Variants in FAM178B observed in about 807,000 individuals in gnomAD.
The protein encoded by FAM178B is protein FAM178B.
In FAM178B, 82 loss-of-function variants were observed where a neutral mutation model predicts 91.7. The observed-to-expected ratio is 0.89, with a 90% CI of 0.75 to 1.07. FAM178B has a LOEUF of 1.07. FAM178B is among the 50% of genes least tolerant of loss of function. The pLI is 0.00. For missense variants in FAM178B, 769 were observed against 846.7 expected, an observed-to-expected ratio of 0.91 and a Z score of 1.14; for synonymous variants, 368 against 359.4, an observed-to-expected ratio of 1.02 and a Z score of -0.27.
chr2:96,954,998 T>G (rs1574298132), intron 6 of FAM178B, among the ~76,000 whole-genome samples: 1 of 152,144 alleles, frequency 6.6e-6, no homozygotes, highest in East Asian at 1.9e-4. Context: ...TGCAGTGAGC[T>G]GTGATCGTAC....
At chr2:96,929,557 G>C (rs1204641834) in intron 8 of FAM178B, among the ~76,000 whole-genome samples, 1 of 152,242 alleles carries the variant, frequency 6.6e-6, no homozygotes, top group African/African-American at 2.4e-5. Context: ...AGGTATGGCT[G>C]CACTTGGGTC....
At chr2:96,960,533 A>G in intron 5 of FAM178B, 93 bp from the exon 6 acceptor site, 1 of 1,372,476 alleles carries the variant, frequency 7.3e-7, no homozygotes, top group Non-Finnish European at 9.8e-7. Context: ...GAGGGGGGCC[A>G]CGGGCTCCCT....
intron 14 of FAM178B, among the ~76,000 whole-genome samples, chr2:96,883,533 C>T (rs958763061): frequency 2.7e-4 from 41 of 152,240 alleles, no homozygotes; most frequent in Admixed American, 3.3e-4. Flanking sequence ...GGCTGCCAGA[C>T]CGGGTGGGGA....
At chr2:96,938,664 T>G (rs1485135297) in intron 8 of FAM178B, among the ~76,000 whole-genome samples, 1 of 152,204 alleles carries the variant, frequency 6.6e-6, no homozygotes, top group Non-Finnish European at 1.5e-5. Flanking sequence ...CTCACACAGC[T>G]GCCAGGAACC....
At chr2:96,924,519 G>A (rs2081401974) in intron 9 of FAM178B, among the ~76,000 whole-genome samples, 1 of 152,296 alleles carries the variant, frequency 6.6e-6, no homozygotes, top group Non-Finnish European at 1.5e-5. Flanking sequence ...CAAGCCACAC[G>A]CAGGGTGGTG....
chr2:96,947,352 A>G (rs914759707), intron 8 of FAM178B, among the ~76,000 whole-genome samples: 1 of 152,144 alleles, frequency 6.6e-6, no homozygotes, highest in Non-Finnish European at 1.5e-5. Context: ...TGGATGTCCT[A>G]TCAGCCAAAG....
At chr2:96,936,202 T>A (rs1337738394) in intron 8 of FAM178B, among the ~76,000 whole-genome samples, 3 of 151,950 alleles carry the variant, frequency 2.0e-5, no homozygotes, top group Non-Finnish European at 4.4e-5. Flanking sequence ...TTTATTTATT[T>A]ATTATTTATT....
chr2:96,957,207 T>C (rs1321746084), intron 6 of FAM178B, among the ~76,000 whole-genome samples: 2 of 152,158 alleles, frequency 1.3e-5, no homozygotes, highest in African/African-American at 4.8e-5. Context: ...TGTTTCTGGC[T>C]GAATATGGTA....
At chr2:96,880,829 T>C (rs987192607) in intron 14 of FAM178B, among the ~76,000 whole-genome samples, 2 of 152,080 alleles carry the variant, frequency 1.3e-5, no homozygotes, top group African/African-American at 2.4e-5. Context: ...CTCCTGACCT[T>C]GTGATCCGCC....
chr2:96,922,710 CTTTTTA>C (rs1396718434), intron 10 of FAM178B, among the ~76,000 whole-genome samples: 1 of 151,644 alleles, frequency 6.6e-6, no homozygotes, highest in Non-Finnish European at 1.5e-5. Flanking sequence ...GCTTCCAATT[CTTTTTA>C]TTTTTGAGAT....
chr2:96,984,317 CA>C (rs1295406101), intron 1 of FAM178B, among the ~76,000 whole-genome samples: 1 of 152,178 alleles, frequency 6.6e-6, no homozygotes, highest in Non-Finnish European at 1.5e-5. Context: ...CCAACCTGTT[CA>C]ATACAGTTCC....
chr2:96,926,912 G>C (rs1184712283), intron 9 of FAM178B, among the ~76,000 whole-genome samples: 1 of 152,214 alleles, frequency 6.6e-6, no homozygotes, highest in Non-Finnish European at 1.5e-5. Context: ...GAGGCACTGT[G>C]GGTAGCCCAG....
intron 12 of FAM178B, 150 bp downstream of exon 12, chr2:96,921,015 T>C: frequency 1.6e-6 from 1 of 637,076 alleles, no homozygotes; most frequent in Non-Finnish European, 2.8e-6. Context: ...AAAGAACTCA[T>C]TAGTGAGTTA....
intron 3 of FAM178B, among the ~76,000 whole-genome samples, chr2:96,971,590 G>A (rs768803280): frequency 1.3e-5 from 2 of 152,094 alleles, no homozygotes; most frequent in Admixed American, 6.6e-5. Context: ...TCCTTGCTCC[G>A]GGGCCATAAC....
chr2:96,970,140 G>A (rs1323709615), intron 4 of FAM178B, among the ~76,000 whole-genome samples: 1 of 152,132 alleles, frequency 6.6e-6, no homozygotes, highest in East Asian at 1.9e-4. Context: ...CACCTCCCTA[G>A]GGATTTCCAA....
chr2:96,948,134 CA>C (rs2081861417), intron 7 of FAM178B, among the ~76,000 whole-genome samples: 1 of 152,252 alleles, frequency 6.6e-6, no homozygotes, highest in East Asian at 1.9e-4. Context: ...AGCCAGCACT[CA>C]GGCCCAGACA....
intron 8 of FAM178B, among the ~76,000 whole-genome samples, chr2:96,932,883 T>C (rs1187256187): frequency 1.5e-5 from 2 of 136,032 alleles, no homozygotes; most frequent in Non-Finnish European, 3.0e-5. Context: ...AAGGTTGCAG[T>C]GAGTTGAAAT....
At chr2:96,889,955 G>A (rs1266744228) in intron 14 of FAM178B, among the ~76,000 whole-genome samples, 3 of 141,074 alleles carry the variant, frequency 2.1e-5, no homozygotes, top group Admixed American at 1.5e-4. Context: ...CCTGGGCAAC[G>A]TGACAAAACC....
At chr2:96,921,374 C>T in intron 11 of FAM178B, 104 bp downstream of exon 11, 1 of 1,502,002 alleles carries the variant, frequency 6.7e-7, no homozygotes, top group South Asian at 1.2e-5. Context: ...CAGGGACATT[C>T]CGATGACCTC....
Sources: gnomAD v4.1 joint callset for allele counts (sites outside exome capture counted in the v4.1 genomes callset) on GRCh38, gnomAD v4.1.1 for gene constraint, MANE v1.5 for transcripts, NCBI Gene and HGNC (gene_info 2026-07-23, HGNC 2026-07-21) for gene names.